Variants in HEPH observed in about 807,000 individuals in gnomAD.
HEPH encodes the protein hephaestin.
HEPH carries 69 observed loss-of-function variants against 80.8 expected under a neutral mutation model. The ratio of observed to expected loss-of-function variants is 0.85; its 90% CI spans 0.70 to 1.04. HEPH has a LOEUF of 1.04. HEPH is among the 50% of genes least tolerant of loss of function. The probability of loss-of-function intolerance (pLI) is 0.00; values close to 1 mark genes in which losing one functional copy is unlikely to be tolerated. For synonymous variants in HEPH, 431 were observed against 322.8 expected, an observed-to-expected ratio of 1.34 and a Z score of -3.60; for missense variants, 1,115 against 891.3, an observed-to-expected ratio of 1.25 and a Z score of -3.20.
At chrX:66,181,939 C>A (rs1235576642) in intron 4 of HEPH, among the ~76,000 whole-genome samples, 1 of 110,357 alleles carries the variant, frequency 9.1e-6, no homozygotes, top group South Asian at 3.9e-4. Flanking sequence ...TTTCACAGCA[C>A]CATTTATTAA....
chrX:66,192,026 G>C lies in HEPH; in HGVS notation c.1064-104G>C, dbSNP rs147158492. On this transcript the variant is annotated intron_variant, in intron 6 of 20. Coordinates refer to ENST00000343002, the MANE Select transcript of HEPH (RefSeq NM_001367233.3). ...TTTTGGAGCAGGAGTAAAGAGAGTA[G>C]TGGAGGGTGGGTGGAGGAAACACTA... The C allele has an allele frequency of 1.0e-3, 837 of 797,695 alleles. 8 individuals carry two copies. The East Asian group carries it at 0.024, about 22-fold the overall frequency. The allele number at this position is 797,695 out of a possible 1,213,427, so 65.7% of individuals were successfully genotyped here. A position where few individuals can be genotyped will look rare whatever the true frequency, so the allele number is the denominator to read the frequency against.
intron 4 of HEPH, among the ~76,000 whole-genome samples, chrX:66,178,041 C>T (rs1018328844): frequency 1.8e-5 from 2 of 111,495 alleles, no homozygotes; most frequent in East Asian, 2.8e-4. Context: ...GTGTGCTGCA[C>T]CCATTAACTT....
intron 15 of HEPH, among the ~76,000 whole-genome samples, chrX:66,213,729 G>A (rs1197148886): frequency 9.0e-6 from 1 of 111,251 alleles, no homozygotes; most frequent in African/African-American, 3.3e-5. Context: ...CAATAGTATA[G>A]CATATTATAA....
At position 66,164,421 on chromosome X, in the gene HEPH, A is replaced by G. The variant is rs144770762; in HGVS notation, c.-63A>G. 4.3e-4 allele frequency: 322 copies of G among 751,584 alleles called. No individual in the cohort carries two copies. The African/African-American group carries it at 7.0e-3, about 16-fold the overall frequency. The allele number at this position is 751,584 out of a possible 1,213,427, so 61.9% of individuals were successfully genotyped here. ...GGACTCAGGCTGGGGTCTGCAGTGC[A>G]GCATTAATGGGCCGCTGACATGAAT... On this transcript the variant is annotated 5_prime_UTR_variant, in exon 1 of 21. Coordinates refer to ENST00000343002, the MANE Select transcript of HEPH (RefSeq NM_001367233.3).
At position 66,232,800 on chromosome X, in the gene HEPH, A is replaced by G. The variant is rs368113049; in HGVS notation, c.2564-22235A>G. ...ATGATAAATGCATATGGTATATTCT[A>G]TCAGTAAATCTGATGCCAGATTTAC... is the stretch of plus-strand genomic sequence containing the variant. On this transcript the variant is annotated intron_variant, in intron 15 of 20. Coordinates refer to ENST00000343002, the MANE Select transcript of HEPH (RefSeq NM_001367233.3). Among the ~76,000 whole-genome samples, 251 of 111,271 alleles carry G rather than the reference A, an allele frequency of 2.3e-3. 2 individuals carry two copies. The highest frequency in any genetic ancestry group is 7.9e-3 in the African/African-American group (242 of 30,685).
chrX:66,206,022 G>T (rs760943564), intron 13 of HEPH, among the ~76,000 whole-genome samples: 1 of 110,632 alleles, frequency 9.0e-6, no homozygotes, highest in Non-Finnish European at 1.9e-5. Flanking sequence ...TGCACCTCTG[G>T]CACCTACCTA....
At chrX:66,241,292 T>C (rs2090567134) in intron 15 of HEPH, among the ~76,000 whole-genome samples, 2 of 111,292 alleles carry the variant, frequency 1.8e-5, no homozygotes, top group Non-Finnish European at 3.8e-5. Context: ...GCTAAACACC[T>C]CAATTAAAAG....
intron 15 of HEPH, among the ~76,000 whole-genome samples, chrX:66,218,464 C>G (rs2147917005): frequency 8.9e-6 from 1 of 111,781 alleles, no homozygotes; most frequent in East Asian, 2.8e-4. Flanking sequence ...ACAATGACAT[C>G]AAGATAGAAA....
chrX:66,209,500 G>A (rs1248860251), intron 15 of HEPH, among the ~76,000 whole-genome samples: 1 of 111,982 alleles, frequency 8.9e-6, no homozygotes, highest in African/African-American at 3.2e-5. Context: ...GGACATATGG[G>A]TGAAGGTAAA....
intron 15 of HEPH, among the ~76,000 whole-genome samples, chrX:66,226,483 A>G (rs972945890): frequency 8.9e-6 from 1 of 112,336 alleles, no homozygotes; most frequent in Non-Finnish European, 1.9e-5. Context: ...ACAAAAATAT[A>G]CAAAAGATAA....
intron 15 of HEPH, among the ~76,000 whole-genome samples, chrX:66,219,120 G>T (rs765160686): frequency 6.2e-5 from 7 of 112,037 alleles, no homozygotes; most frequent in Non-Finnish European, 1.1e-4. Context: ...TAGTACACTT[G>T]TGCCGAAGTA....
chrX:66,191,973 C>T (rs1171796158), intron 6 of HEPH, among the ~76,000 whole-genome samples, 157 bp from the exon 7 acceptor site: 3 of 111,428 alleles, frequency 2.7e-5, no homozygotes, highest in Non-Finnish European at 5.6e-5. Context: ...CTCAGCCATG[C>T]ACTTTAAGAG....
chrX:66,171,406 T>A (rs1391903557), intron 2 of HEPH: 1 of 130,837 alleles, frequency 7.6e-6, no homozygotes, highest in East Asian at 2.3e-4. Context: ...CTAATACTCT[T>A]CTCACCACTC....
At chrX:66,196,200 T>A (rs1474248737) in intron 9 of HEPH, among the ~76,000 whole-genome samples, 1 of 111,356 alleles carries the variant, frequency 9.0e-6, no homozygotes, top group South Asian at 3.8e-4. Flanking sequence ...TATAGCGACA[T>A]AGGAGATGCG....
At chrX:66,187,154 G>A (rs1225675835) in intron 4 of HEPH, among the ~76,000 whole-genome samples, 1 of 110,852 alleles carries the variant, frequency 9.0e-6, no homozygotes, top group Non-Finnish European at 1.9e-5. Context: ...TTTTGTTGTT[G>A]TTGTTGTTTT....
chrX:66,240,997 G>A (rs2090553332), intron 15 of HEPH, among the ~76,000 whole-genome samples: 1 of 111,768 alleles, frequency 8.9e-6, no homozygotes, highest in Non-Finnish European at 1.9e-5. Context: ...TTTGCAATAA[G>A]CCTGGCCAAC....
At position 66,164,292 on chromosome X, in the gene HEPH, C is replaced by T; in HGVS notation, c.-192C>T. 1.3e-6 allele frequency: 1 copy of T among 752,277 alleles called. No homozygotes were observed. The highest frequency in any genetic ancestry group is 6.8e-5 in the South Asian group (1 of 14,799). 62.0% of individuals were successfully genotyped at this position (752,277 alleles called of 1,213,427 possible). On this transcript the variant is annotated 5_prime_UTR_variant, in exon 1 of 21. Transcript: ENST00000343002. ...GGAAAAGAGGGCACCCAGCCCTTCC[C>T]CCTCCCTCATCCTCCCATCCCAGTA...
At chrX:66,235,697 C>T (rs1248829871) in intron 15 of HEPH, among the ~76,000 whole-genome samples, 2 of 111,762 alleles carry the variant, frequency 1.8e-5, no homozygotes, top group African/African-American at 6.5e-5. Flanking sequence ...TTTGGTTCCA[C>T]ATGAATTTTA....
chrX:66,203,813 T>G (rs1186727915), intron 13 of HEPH, among the ~76,000 whole-genome samples: 2 of 111,555 alleles, frequency 1.8e-5, no homozygotes, highest in African/African-American at 6.5e-5. Context: ...TTTGTCTCTC[T>G]TCTTTCAGTT....
Sources: allele counts gnomAD v4.1 joint callset (sites outside exome capture counted in the v4.1 genomes callset), GRCh38; gene constraint gnomAD v4.1.1; transcripts MANE v1.5; gene names NCBI Gene and HGNC (gene_info 2026-07-23, HGNC 2026-07-21).